Variants in FAM153A observed in about 807,000 individuals in gnomAD.
The protein encoded by FAM153A is family with sequence similarity 153 member A, also known as protein FAM153A.
FAM153A carries 12 observed loss-of-function variants against 48.1 expected under a neutral mutation model. The observed-to-expected ratio is 0.25, with a 90% CI of 0.16 to 0.40. The LOEUF (loss-of-function observed/expected upper bound fraction) is 0.40. Ranked by LOEUF, FAM153A falls within the 10% of genes least tolerant of loss-of-function variation. The pLI is 1.00. For synonymous variants in FAM153A, 36 were observed against 118.2 expected, an observed-to-expected ratio of 0.30 and a Z score of 4.51; for missense variants, 111 against 345.8, an observed-to-expected ratio of 0.32 and a Z score of 5.38.
upstream of FAM153A, among the ~76,000 whole-genome samples, chr5:177,754,147 G>C (rs569149776): frequency 2.6e-5 from 4 of 151,794 alleles, no homozygotes; most frequent in South Asian, 8.3e-4. Context: ...CTAATACTGC[G>C]CTTTTCCAAT....
At chr5:177,718,922 T>C (rs1186217519), downstream of FAM153A, among the ~76,000 whole-genome samples, 5 of 151,476 alleles carry the variant, frequency 3.3e-5, 1 homozygote, top group African/African-American at 9.8e-5. Context: ...TGTTCTATTA[T>C]CCAGACTGAA....
chr5:177,709,747 T>C (rs1159233253), downstream of FAM153A, among the ~76,000 whole-genome samples: 322 of 123,942 alleles, frequency 2.6e-3, 2 homozygotes, highest in Non-Finnish European at 4.7e-3. Flanking sequence ...CTCAGCTCAC[T>C]GCCACCTCTG....
intron 25 of FAM153A, among the ~76,000 whole-genome samples, chr5:177,715,618 C>T (rs1490748331): frequency 2.0e-5 from 3 of 151,748 alleles, no homozygotes; most frequent in African/African-American, 7.3e-5. Flanking sequence ...CTTGCCTTCA[C>T]ACTGCGTCTT....
At chr5:177,772,127 G>A (rs1286628863) in intron 1 of FAM153A, among the ~76,000 whole-genome samples, 2 of 98,672 alleles carry the variant, frequency 2.0e-5, no homozygotes, top group East Asian at 3.1e-4. Flanking sequence ...CCTATAATCA[G>A]ATGGTTATTT....
At chr5:177,709,051 C>T (rs538004441), downstream of FAM153A, among the ~76,000 whole-genome samples, 5 of 125,124 alleles carry the variant, frequency 4.0e-5, no homozygotes, top group East Asian at 5.1e-4. Context: ...GCCGAGACTG[C>T]GCCACTGCAC....
intron 1 of FAM153A, among the ~76,000 whole-genome samples, chr5:177,760,883 A>G (rs1768249924): frequency 7.3e-6 from 1 of 137,226 alleles, no homozygotes; most frequent in South Asian, 2.5e-4. Context: ...CTTTACTGTG[A>G]TTATTTTTAA....
chr5:177,703,688 G>A (rs1757651152), downstream of FAM153A, among the ~76,000 whole-genome samples: 1 of 85,470 alleles, frequency 1.2e-5, no homozygotes, highest in Non-Finnish European at 2.4e-5. Flanking sequence ...CCCTGGAGGC[G>A]GTTTCTCTGT....
the FAM153A span, among the ~76,000 whole-genome samples, chr5:177,701,091 A>G: frequency 4.0e-5 from 6 of 151,750 alleles, no homozygotes; most frequent in African/African-American, 1.5e-4. Context: ...TTTGTTTAAA[A>G]GTGTATAGTC....
At chr5:177,734,730 C>T in intron 13 of FAM153A, 133 bp downstream of exon 15, 1 of 1,451,162 alleles carries the variant, frequency 6.9e-7, no homozygotes, top group Non-Finnish European at 9.4e-7. Flanking sequence ...GACAGACTCT[C>T]ACTTACCATT....
chr5:177,699,885 C>T, the FAM153A span, among the ~76,000 whole-genome samples: 4 of 135,058 alleles, frequency 3.0e-5, no homozygotes, highest in Non-Finnish European at 6.7e-5. Flanking sequence ...GATACCAAAG[C>T]CAGAAAAAAA....
At chr5:177,709,093 C>CCAA (rs1758119692), downstream of FAM153A, among the ~76,000 whole-genome samples, 1 of 34,120 alleles carries the variant, frequency 2.9e-5, no homozygotes, top group African/African-American at 8.8e-5. Flanking sequence ...GACTCCGTCT[C>CCAA]AAAAAAAAAA....
At chr5:177,756,625 T>C (rs1436311133), upstream of FAM153A, among the ~76,000 whole-genome samples, 4 of 151,754 alleles carry the variant, frequency 2.6e-5, no homozygotes, top group Admixed American at 6.6e-5. Flanking sequence ...ACAGAAGTTA[T>C]AACAAACTGT....
At chr5:177,781,264 A>ATTTTTTTTTTTTTTT (rs1303137176), upstream of FAM153A, among the ~76,000 whole-genome samples, 39 of 75,286 alleles carry the variant, frequency 5.2e-4, no homozygotes, top group Non-Finnish European at 7.2e-4. Context: ...ACGCCCGGCT[A>ATTTTTTTTTTTTTTT]TTTTTTTTTT....
chr5:177,746,540 A>G (rs1463868137), intron 4 of FAM153A, among the ~76,000 whole-genome samples: 1 of 151,650 alleles, frequency 6.6e-6, no homozygotes, highest in East Asian at 1.9e-4. Flanking sequence ...CATATTCACT[A>G]ACCTTTTGTT....
At chr5:177,711,499 A>G (rs1401900827) in exon 27 of FAM153A, 1 of 152,014 alleles carries the variant, frequency 6.6e-6, no homozygotes, top group Non-Finnish European at 1.5e-5. Context: ...GATAGCAGCC[A>G]ATCCATTATA....
At chr5:177,769,144 A>T (rs1253893332) in intron 1 of FAM153A, among the ~76,000 whole-genome samples, 2 of 82,000 alleles carry the variant, frequency 2.4e-5, no homozygotes, top group Admixed American at 1.3e-4. Flanking sequence ...GAGGCAGCAG[A>T]ATGGTGTGAA....
downstream of FAM153A, among the ~76,000 whole-genome samples, chr5:177,708,469 C>T (rs376260018): frequency 1.3e-4 from 20 of 151,852 alleles, no homozygotes; most frequent in East Asian, 2.1e-3. Flanking sequence ...CCCAGCTACT[C>T]GGGAGGCTGA....
chr5:177,715,869 C>A (rs2127566758), intron 25 of FAM153A, among the ~76,000 whole-genome samples: 1 of 151,540 alleles, frequency 6.6e-6, no homozygotes, highest in East Asian at 1.9e-4. Flanking sequence ...GAAACGGGGT[C>A]TTGCTATTGT....
At chr5:177,743,606 GAA>G (rs1765671060) in intron 6 of FAM153A, among the ~76,000 whole-genome samples, 1 of 77,932 alleles carries the variant, frequency 1.3e-5, no homozygotes, top group Non-Finnish European at 2.6e-5. Flanking sequence ...TTTCCCAGCA[GAA>G]CTCGCTGTAG....
Sources: allele counts gnomAD v4.1 joint callset (sites outside exome capture counted in the v4.1 genomes callset), GRCh38; gene constraint gnomAD v4.1.1; transcripts MANE v1.5; gene names NCBI Gene and HGNC (gene_info 2026-07-23, HGNC 2026-07-21).